The following BLMH variants were observed in gnomAD, a reference collection of about 807,000 sequenced individuals.
BLMH encodes bleomycin hydrolase.
BLMH carries 32 observed loss-of-function variants against 61.6 expected under a neutral mutation model. The observed-to-expected ratio is 0.52, with a 90% confidence interval of 0.39 to 0.70. The LOEUF is 0.70. Ranked by LOEUF, BLMH falls within the 30% of genes least tolerant of loss-of-function variation. The probability of loss-of-function intolerance (pLI) is 0.00; values close to 1 mark genes in which losing one functional copy is unlikely to be tolerated. For synonymous variants in BLMH, 183 were observed against 193.8 expected (o/e 0.94, Z 0.46); for missense variants, 460 against 555.5 (o/e 0.83, Z 1.73).
intron 11 of BLMH, among the ~76,000 whole-genome samples, chr17:30,260,626 T>C (rs1426306143): frequency 6.6e-6 from 1 of 152,130 alleles, no homozygotes. Flanking sequence ...ACACCTGTAA[T>C]CCCAGCACTT....
intron 10 of BLMH, among the ~76,000 whole-genome samples, chr17:30,267,628 T>A (rs181947401): frequency 3.0e-4 from 46 of 152,346 alleles, no homozygotes; most frequent in Admixed American, 3.0e-3. Context: ...TCTTCATTAT[T>A]AAAATAAGCT....
rs1908302035 is a variant in BLMH, at chr17:30,272,429, CAAAG to C, written c.1028+128_1028+131del. On this transcript the variant is annotated intron_variant, in intron 9 of 11. Coordinates refer to ENST00000261714, the MANE Select transcript of BLMH (RefSeq NM_000386.4). ...ATGAGTCCTCAAACTCTAAAGGATG[CAAAG>C]AAAGAGACGCGCCCTTAGGTCAACC... 10 of 966,936 alleles carry C rather than the reference CAAAG, an allele frequency of 1.0e-5. No homozygotes were observed. In the South Asian group the frequency reaches 1.1e-4, roughly 11 times the overall value. The allele number at this position is 966,936 out of a possible 1,614,324, so 59.9% of individuals were successfully genotyped here. A position where few individuals can be genotyped will look rare whatever the true frequency, so the allele number is the denominator to read the frequency against.
chr17:30,276,659 A>G (rs1014220608), intron 6 of BLMH, among the ~76,000 whole-genome samples: 1 of 152,088 alleles, frequency 6.6e-6, no homozygotes, highest in Non-Finnish European at 1.5e-5. Flanking sequence ...TTTCCCTATT[A>G]CCTCCCATAA....
At chr17:30,251,296 TG>T (rs1907660856) in intron 11 of BLMH, among the ~76,000 whole-genome samples, 1 of 151,890 alleles carries the variant, frequency 6.6e-6, no homozygotes, top group Non-Finnish European at 1.5e-5. Flanking sequence ...AAAACTTAAA[TG>T]GGAAAAAAAT....
chr17:30,254,040 G>A (rs1283658038), intron 11 of BLMH, among the ~76,000 whole-genome samples: 1 of 152,116 alleles, frequency 6.6e-6, no homozygotes, highest in Non-Finnish European at 1.5e-5. Context: ...GAAAAAAGAC[G>A]CTTTACCTAA....
intron 11 of BLMH, among the ~76,000 whole-genome samples, chr17:30,264,158 T>C (rs1463180538): frequency 2.0e-5 from 3 of 152,202 alleles, no homozygotes; most frequent in Non-Finnish European, 4.4e-5. Flanking sequence ...AAGAAACACA[T>C]GAGAATAATT....
chr17:30,270,104 A>G (rs1279774862), intron 10 of BLMH, among the ~76,000 whole-genome samples: 3 of 152,236 alleles, frequency 2.0e-5, no homozygotes, highest in East Asian at 3.8e-4. Context: ...ACTTTTAGAT[A>G]GGCTAGTTAG....
At chr17:30,258,211 G>A (rs1323661759) in intron 11 of BLMH, among the ~76,000 whole-genome samples, 1 of 151,420 alleles carries the variant, frequency 6.6e-6, no homozygotes, top group African/African-American at 2.4e-5. Flanking sequence ...AACAGGATGG[G>A]TTGGATGTTT....
chr17:30,250,366 A>G (rs1236384175), intron 11 of BLMH: 3 of 152,222 alleles, frequency 2.0e-5, no homozygotes, highest in African/African-American at 4.8e-5. Context: ...CAAGGAACTC[A>G]AACAATCGGC....
At chr17:30,276,814 T>G (rs935120990) in intron 6 of BLMH, among the ~76,000 whole-genome samples, 2 of 152,236 alleles carry the variant, frequency 1.3e-5, no homozygotes, top group African/African-American at 4.8e-5. Flanking sequence ...TCAATATACA[T>G]AACATTTCCA....
intron 11 of BLMH, among the ~76,000 whole-genome samples, chr17:30,265,652 C>T (rs1908082089): frequency 6.6e-6 from 1 of 152,184 alleles, no homozygotes; most frequent in South Asian, 2.1e-4. Context: ...CCTGGTTCTT[C>T]TCAGTCTTCT....
At chr17:30,281,066 G>GTT (rs537927465) in intron 6 of BLMH, among the ~76,000 whole-genome samples, 1 of 130,714 alleles carries the variant, frequency 7.7e-6, no homozygotes, top group Admixed American at 7.7e-5. Flanking sequence ...AAAGATCTGT[G>GTT]TTTTTTTTTT....
Position 30,256,784 on chromosome 17 carries a change from T to C in BLMH, c.1217-7616A>G, listed in dbSNP as rs1052965517. Among the ~76,000 whole-genome samples the C allele has an allele frequency of 3.7e-4, 56 of 151,482 alleles. 1 individual carries two copies. The highest frequency in any genetic ancestry group is 1.5e-5 in the Non-Finnish European group (1 of 67,898). On this transcript the variant is annotated intron_variant, in intron 11 of 11. Coordinates refer to ENST00000261714, the MANE Select transcript of BLMH (RefSeq NM_000386.4). ...GAAGAAAACATCAGAAACAAGACTC[T>C]CAATGAAAAACTCCATTACTCACTA... is the stretch of plus-strand genomic sequence containing the variant.
At chr17:30,260,431 T>C (rs1907925606) in intron 11 of BLMH, among the ~76,000 whole-genome samples, 2 of 152,238 alleles carry the variant, frequency 1.3e-5, no homozygotes, top group South Asian at 2.1e-4. Flanking sequence ...AGTCTGTCCT[T>C]GCCCAAATAA....
chr17:30,269,180 G>GTT lies in BLMH; in HGVS notation c.1146+2089_1146+2090dup, dbSNP rs368369374. ...CATGTATTTTATTTATTTATTTATT[G>GTT]TTTTTTTTTTTTTTTGAGACAGAGT... On this transcript the variant is annotated intron_variant, in intron 10 of 11. Transcript: ENST00000261714. Among the ~76,000 whole-genome samples the GTT allele has an allele frequency of 5.3e-3, 699 of 131,340 alleles. 13 individuals carry two copies. The highest frequency in any genetic ancestry group is 0.016 in the African/African-American group (585 of 35,926). 86.2% of individuals were successfully genotyped at this position (131,340 alleles called of 152,430 possible). A position where few individuals can be genotyped will look rare whatever the true frequency, so the allele number is the denominator to read the frequency against.
intron 11 of BLMH, chr17:30,252,217 G>A (rs957805949): frequency 6.6e-6 from 1 of 150,568 alleles, no homozygotes; most frequent in Non-Finnish European, 1.5e-5. Context: ...GGCAAGACTG[G>A]ATTAAATTTA....
intron 4 of BLMH, among the ~76,000 whole-genome samples, chr17:30,287,167 A>G (rs1197390351): frequency 1.3e-5 from 2 of 152,038 alleles, no homozygotes; most frequent in African/African-American, 4.8e-5. Context: ...AGCGGCAACT[A>G]TGGTGCATGA....
chr17:30,253,538 G>T (rs535706797), intron 11 of BLMH, among the ~76,000 whole-genome samples: 1 of 152,252 alleles, frequency 6.6e-6, no homozygotes, highest in African/African-American at 2.4e-5. Context: ...AGAAGATTAG[G>T]ATCAGTGTGT....
intron 6 of BLMH, among the ~76,000 whole-genome samples, 197 bp from the exon 7 acceptor site, chr17:30,274,394 T>C (rs557263621): frequency 1.3e-5 from 2 of 152,306 alleles, no homozygotes; most frequent in East Asian, 3.9e-4. Context: ...ACTTATGAGT[T>C]CTCAAATAAA....
Sources: gnomAD v4.1 joint callset for allele counts (sites outside exome capture counted in the v4.1 genomes callset) on GRCh38, gnomAD v4.1.1 for gene constraint, MANE v1.5 for transcripts, NCBI Gene and HGNC (gene_info 2026-07-23, HGNC 2026-07-21) for gene names.